OVOL2: variants seen among roughly 807,000 people sequenced by gnomAD.
OVOL2 encodes the protein transcription factor Ovo-like 2.
OVOL2 carries 13 observed loss-of-function variants against 18.1 expected under a neutral mutation model. The ratio of observed to expected loss-of-function variants is 0.72; its 90% CI spans 0.47 to 1.14. The LOEUF (loss-of-function observed/expected upper bound fraction) is 1.14. Among genes scored for constraint, OVOL2 ranks in the 50% most tolerant of loss-of-function variants. The pLI is 0.00. For missense variants in OVOL2, 335 were observed against 383.0 expected (o/e 0.87, Z 1.05); for synonymous variants, 166 against 162.7 (o/e 1.02, Z -0.16).
chr20:18,041,839 TA>T lies in OVOL2; in HGVS notation c.322-117del, dbSNP rs1478109379. ...CTGCCCTGTCTGCGGCTTCTGCCCC[TA>T]AAATTTTCAAGCAGGTTTTGGCTTT... On this transcript the variant is annotated intron_variant, in intron 2 of 3. Coordinates refer to ENST00000278780, the MANE Select transcript of OVOL2 (RefSeq NM_021220.4). 5 of 907,606 alleles carry T rather than the reference TA, an allele frequency of 5.5e-6. No individual in the cohort carries two copies. In the East Asian group the frequency reaches 1.5e-4, roughly 27 times the overall value. 56.2% of individuals were successfully genotyped at this position (907,606 alleles called of 1,614,324 possible).
At chr20:18,040,580 G>A (rs900069942) in intron 3 of OVOL2, among the ~76,000 whole-genome samples, 3 of 152,196 alleles carry the variant, frequency 2.0e-5, no homozygotes, top group African/African-American at 7.2e-5. Context: ...TGTGGACAAT[G>A]GAGCTCAGGC....
At position 18,056,763 on chromosome 20, in the gene OVOL2, G is replaced by A. The variant is rs556950490; in HGVS notation, c.215C>T (p.Ser72Leu). 15 of 1,504,004 alleles carry A rather than the reference G, an allele frequency of 1.0e-5. No individual in the cohort carries two copies. In the Admixed American group the frequency reaches 1.1e-4, roughly 11 times the overall value. 93.2% of individuals were successfully genotyped at this position (1,504,004 alleles called of 1,614,324 possible). The change falls in exon 2 of 4, where the codon TCG becomes TTG. Residue 72 changes from serine (S) to leucine (L), a missense_variant. Coordinates refer to ENST00000278780, the MANE Select transcript of OVOL2 (RefSeq NM_021220.4). The surrounding 1 kb of genome is among the most constrained non-coding windows in gnomAD (Gnocchi z 4.2). ...AGEPGGAESSSSPHAPESETP... is the reference protein window; with the variant it reads ...AGEPGGAESSLSPHAPESETP... ...TTCGCTCTCGGGGGCGTGCGGGGAC[G>A]AGCTGCTCTCTGCTCCTCCAGGCTC...
intron 3 of OVOL2, among the ~76,000 whole-genome samples, chr20:18,033,772 C>T (rs142081178): frequency 1.3e-5 from 2 of 152,128 alleles, no homozygotes; most frequent in African/African-American, 4.8e-5. Flanking sequence ...CTTGCAAGGG[C>T]TGGTTATTAT....
chr20:18,046,734 C>T (rs977330388), intron 2 of OVOL2, among the ~76,000 whole-genome samples: 5 of 152,142 alleles, frequency 3.3e-5, no homozygotes, highest in South Asian at 2.1e-4. Context: ...CAGCTGACCC[C>T]GCCTGGATCA....
In OVOL2 at chr20:18,041,622, G is replaced by A. The variant is rs1470394722; in HGVS notation, c.423C>T (p.His141=). The A allele has an allele frequency of 6.2e-7, 1 of 1,614,204 alleles. No individual in the cohort carries two copies. The highest frequency in any genetic ancestry group is 1.1e-5 in the South Asian group (1 of 91,080). Residue 141 remains histidine, a synonymous_variant, in exon 3 of 4, where the codon CAC becomes CAT. Coordinates refer to ENST00000278780, the MANE Select transcript of OVOL2 (RefSeq NM_021220.4). ...QRMLNRHLKC[H]NQVKRHLCTF... ...TGCACAGGTGTCTTTTCACCTGGTTGTGGCACTTGAGGTGACGGTTCAGCA... is the reference window on the plus strand; with the variant it reads ...TGCACAGGTGTCTTTTCACCTGGTTATGGCACTTGAGGTGACGGTTCAGCA...
At chr20:18,054,782 AG>A (rs200198675) in intron 2 of OVOL2, among the ~76,000 whole-genome samples, 17,945 of 122,186 alleles carry the variant, frequency 0.15, 1,152 homozygotes, top group Middle Eastern at 0.23. Context: ...AAAAAAAAAA[AG>A]AAAGAAAAGA....
intron 3 of OVOL2, among the ~76,000 whole-genome samples, chr20:18,041,309 G>GC (rs113302494): frequency 0.15 from 22,984 of 151,806 alleles, 1,797 homozygotes; most frequent in African/African-American, 0.18. Context: ...GATTACAGGC[G>GC]CCACCACCAC....
Position 18,056,586 on chromosome 20 carries a change from G to C in OVOL2, c.321+71C>G. 6 of 1,290,968 alleles carry C rather than the reference G, an allele frequency of 4.6e-6. No individual in the cohort carries two copies. Among genetic ancestry groups the C allele is most frequent in the Non-Finnish European group, 5.9e-6 (6 of 1,016,988 alleles). 80.0% of individuals were successfully genotyped at this position (1,290,968 alleles called of 1,614,324 possible). Reference sequence around the variant, plus strand: ...TTGCGCAGGCGGGCGCGGCAGGGAGGGGCGCCGGCCTCGGGAGCCCGACGC... The same window carrying C: ...TTGCGCAGGCGGGCGCGGCAGGGAGCGGCGCCGGCCTCGGGAGCCCGACGC... On this transcript the variant is annotated intron_variant, in intron 2 of 3. Coordinates refer to ENST00000278780, the MANE Select transcript of OVOL2 (RefSeq NM_021220.4). The surrounding 1 kb of genome is among the most constrained non-coding windows in gnomAD (Gnocchi z 4.2).
chr20:18,045,900 C>T (rs2036720914), intron 2 of OVOL2, among the ~76,000 whole-genome samples: 1 of 152,124 alleles, frequency 6.6e-6, no homozygotes, highest in African/African-American at 2.4e-5. Context: ...TGGAAATTCT[C>T]CACATATCCC....
chr20:18,032,981 T>A (rs1245994725), intron 3 of OVOL2, among the ~76,000 whole-genome samples: 14 of 152,294 alleles, frequency 9.2e-5, no homozygotes, highest in Non-Finnish European at 2.1e-4. Context: ...AAAATACAAA[T>A]TAAAAATAAA....
At chr20:18,055,685 C>G (rs1193833355) in intron 2 of OVOL2, among the ~76,000 whole-genome samples, 1 of 152,144 alleles carries the variant, frequency 6.6e-6, no homozygotes, top group Non-Finnish European at 1.5e-5. Flanking sequence ...AGCCCAGGCT[C>G]TCCCTCCCCA....
chr20:18,044,410 C>CA (rs1346581541), intron 2 of OVOL2, among the ~76,000 whole-genome samples: 1 of 152,182 alleles, frequency 6.6e-6, no homozygotes, highest in Non-Finnish European at 1.5e-5. Context: ...AGTCTAGGGC[C>CA]AGTGCACAAT....
At chr20:18,051,764 G>A (rs1244622150) in intron 2 of OVOL2, among the ~76,000 whole-genome samples, 4 of 152,196 alleles carry the variant, frequency 2.6e-5, no homozygotes, top group Admixed American at 1.3e-4. Flanking sequence ...ACAGGGTCTC[G>A]CTCTGTTGTC....
At position 18,057,464 on chromosome 20, in the gene OVOL2, AG is replaced by A. The variant is rs995446655; in HGVS notation, c.100+70del. ...GGGGAGCCCGCCCCTGCCGATGAGC[AG>A]AGAAGACCCGCCACCCCTTCCCCCA... On this transcript the variant is annotated intron_variant, in intron 1 of 3. Transcript: ENST00000278780. The surrounding 1 kb of genome is among the most constrained non-coding windows in gnomAD (Gnocchi z 6.3). 2.9e-4 allele frequency: 433 copies of A among 1,496,092 alleles called. 1 individual carries two copies. Among genetic ancestry groups the A allele is most frequent in the Middle Eastern group, 8.8e-4 (4 of 4,522 alleles). 92.7% of individuals were successfully genotyped at this position (1,496,092 alleles called of 1,614,324 possible). A position where few individuals can be genotyped will look rare whatever the true frequency, so the allele number is the denominator to read the frequency against.
chr20:18,055,262 T>C (rs542826297), intron 2 of OVOL2, among the ~76,000 whole-genome samples: 41 of 152,264 alleles, frequency 2.7e-4, no homozygotes, highest in Admixed American at 2.2e-3. Context: ...ATCTGGGCAA[T>C]TGGGGGACAG....
intron 3 of OVOL2, among the ~76,000 whole-genome samples, chr20:18,026,532 C>A (rs1568630361): frequency 6.6e-6 from 1 of 152,116 alleles, no homozygotes; most frequent in East Asian, 1.9e-4. Context: ...CAGGCACCCG[C>A]CACCACGCCC....
chr20:18,028,470 C>A (rs2036539521), intron 3 of OVOL2, among the ~76,000 whole-genome samples: 1 of 151,958 alleles, frequency 6.6e-6, no homozygotes, highest in Admixed American at 6.6e-5. Context: ...AACCACCGTG[C>A]CTGGCCCTAA....
At chr20:18,052,204 ACAAAT>A (rs1488241708) in intron 2 of OVOL2, among the ~76,000 whole-genome samples, 1 of 152,222 alleles carries the variant, frequency 6.6e-6, no homozygotes, top group Non-Finnish European at 1.5e-5. Context: ...ACTCTACAAA[ACAAAT>A]CACCCATTTC....
chr20:18,042,801 G>A (rs987982081), intron 2 of OVOL2, among the ~76,000 whole-genome samples: 2 of 138,300 alleles, frequency 1.4e-5, no homozygotes, highest in African/African-American at 5.5e-5. Context: ...AAAAGAGCCC[G>A]GCACTTCCTC....
Sources: gnomAD v4.1 joint callset for allele counts (sites outside exome capture counted in the v4.1 genomes callset) on GRCh38, gnomAD v4.1.1 for gene constraint, Gnocchi (gnomAD v3.1) non-coding constraint, MANE v1.5 for transcripts, NCBI Gene and HGNC (gene_info 2026-07-23, HGNC 2026-07-21) for gene names.